PRKCA: variants seen among roughly 807,000 people sequenced by gnomAD.
PRKCA encodes protein kinase C alpha type.
PRKCA carries 27 observed loss-of-function variants against 87.0 expected under a neutral mutation model. That is an observed-to-expected ratio of 0.31 (90% CI 0.23 to 0.43). The LOEUF is 0.43. Ranked by LOEUF, PRKCA falls within the 20% of genes least tolerant of loss-of-function variation. PRKCA has a pLI of 1.00. For missense variants in PRKCA, 518 were observed against 852.3 expected (o/e 0.61, Z 4.88); for synonymous variants, 329 against 311.1 (o/e 1.06, Z -0.61).
At chr17:66,530,591 C>T (rs185074390) in intron 3 of PRKCA, among the ~76,000 whole-genome samples, 1 of 152,274 alleles carries the variant, frequency 6.6e-6, no homozygotes, top group East Asian at 1.9e-4. Flanking sequence ...CTGTCCTTTG[C>T]TCCAAAGAAG....
intron 3 of PRKCA, among the ~76,000 whole-genome samples, chr17:66,630,150 T>C (rs529322958): frequency 2.0e-5 from 3 of 152,246 alleles, no homozygotes; most frequent in South Asian, 4.2e-4. Context: ...GTACCCCCAA[T>C]TGAATGGGCA....
At chr17:66,624,551 A>G (rs985728593) in intron 3 of PRKCA, among the ~76,000 whole-genome samples, 15 of 152,198 alleles carry the variant, frequency 9.9e-5, no homozygotes, top group African/African-American at 3.4e-4. Context: ...TTGTAATCCC[A>G]GCACTTTGGG....
chr17:66,593,738 T>A (rs1212162429), intron 3 of PRKCA, among the ~76,000 whole-genome samples: 1 of 152,220 alleles, frequency 6.6e-6, no homozygotes, highest in Admixed American at 6.5e-5. Context: ...CTTGCCAGAC[T>A]CTCCCTATAT....
chr17:66,511,070 G>A (rs993481171), intron 3 of PRKCA, among the ~76,000 whole-genome samples: 6 of 144,472 alleles, frequency 4.2e-5, no homozygotes, highest in South Asian at 2.1e-4. Flanking sequence ...ATTTTTTTTC[G>A]TGTCATAAAA....
intron 3 of PRKCA, among the ~76,000 whole-genome samples, chr17:66,584,642 TC>T (rs977197866): frequency 1.3e-5 from 2 of 152,136 alleles, no homozygotes; most frequent in Non-Finnish European, 2.9e-5. Flanking sequence ...GGAAGATCCT[TC>T]CTGGCCTCTT....
chr17:66,448,053 T>C (rs1253530052), intron 2 of PRKCA, among the ~76,000 whole-genome samples: 1 of 152,216 alleles, frequency 6.6e-6, no homozygotes, highest in African/African-American at 2.4e-5. Flanking sequence ...GTGAATAGAT[T>C]GAATGGAATT....
At chr17:66,422,940 G>A (rs982558525) in intron 2 of PRKCA, among the ~76,000 whole-genome samples, 76 of 151,836 alleles carry the variant, frequency 5.0e-4, no homozygotes, top group African/African-American at 1.7e-3. Context: ...GTGAAACCCC[G>A]TCTCTACTAA....
rs539954419 is a variant in PRKCA at position 66,587,603 on chromosome 17, A to T, written c.289-53752A>T. On this transcript the variant is annotated intron_variant, in intron 3 of 16. Coordinates refer to ENST00000413366, the MANE Select transcript of PRKCA (RefSeq NM_002737.3). ...TAGATAGATAGACAGATAGATAGATAGATTGATTGATTAGATAGATATAGA... is the reference window on the plus strand; with the variant it reads ...TAGATAGATAGACAGATAGATAGATTGATTGATTGATTAGATAGATATAGA... Among the ~76,000 whole-genome samples the T allele has an allele frequency of 3.4e-3, 509 of 151,572 alleles. 1 individual carries two copies. The highest frequency in any genetic ancestry group is 0.012 in the African/African-American group (475 of 41,280).
chr17:66,532,602 G>A lies in PRKCA; in HGVS notation c.288+36319G>A, dbSNP rs148205728. 2.4e-4 allele frequency among the ~76,000 whole-genome samples: 37 copies of A among 151,956 alleles called. No individual in the cohort carries two copies. The East Asian group carries it at 5.4e-3, about 22-fold the overall frequency. On this transcript the variant is annotated intron_variant, in intron 3 of 16. Transcript: ENST00000413366. Reference sequence around the variant, plus strand: ...TTGAACTCCTGACCTCAGGTGATCCGCCCACCTCGGCCTCCCAGAATGCTA... The same window carrying A: ...TTGAACTCCTGACCTCAGGTGATCCACCCACCTCGGCCTCCCAGAATGCTA...
At chr17:66,562,172 A>T (rs540509560) in intron 3 of PRKCA, among the ~76,000 whole-genome samples, 2 of 75,246 alleles carry the variant, frequency 2.7e-5, no homozygotes, top group African/African-American at 1.1e-4. Flanking sequence ...ATAATTAAAT[A>T]TATATAATTA....
chr17:66,321,113 T>A lies in PRKCA; in HGVS notation c.205+14986T>A, dbSNP rs1295175548. 2.0e-5 allele frequency among the ~76,000 whole-genome samples: 3 copies of A among 152,338 alleles called. No individual in the cohort carries two copies. The East Asian group carries it at 5.8e-4, about 29-fold the overall frequency. On this transcript the variant is annotated intron_variant, in intron 2 of 16. Coordinates refer to ENST00000413366, the MANE Select transcript of PRKCA (RefSeq NM_002737.3). Reference sequence around the variant, plus strand: ...TACAAAATAACAATGGACATTTATGTATGCTTTTTTCAATGTTTATTTTCT... The same window carrying A: ...TACAAAATAACAATGGACATTTATGAATGCTTTTTTCAATGTTTATTTTCT...
Position 66,590,541 on chromosome 17 carries a change from C to T in PRKCA, c.289-50814C>T, listed in dbSNP as rs1969768984. Reference sequence around the variant, plus strand: ...CGAGGGCGTCTGATGAATACCAGCTCTCAGAAGATGTTAAAGAGGATGCTG... The same window carrying T: ...CGAGGGCGTCTGATGAATACCAGCTTTCAGAAGATGTTAAAGAGGATGCTG... On this transcript the variant is annotated intron_variant, in intron 3 of 16. Coordinates refer to ENST00000413366, the MANE Select transcript of PRKCA (RefSeq NM_002737.3). 3.3e-5 allele frequency among the ~76,000 whole-genome samples: 5 copies of T among 152,140 alleles called. No individual in the cohort carries two copies. In the South Asian group the frequency reaches 1.0e-3, roughly 32 times the overall value.
At chr17:66,710,584 G>A (rs16960087) in intron 8 of PRKCA, among the ~76,000 whole-genome samples, 26 of 152,072 alleles carry the variant, frequency 1.7e-4, no homozygotes, top group Non-Finnish European at 2.9e-4. Flanking sequence ...AGGATGCACC[G>A]CGTGTTCTGG....
intron 3 of PRKCA, chr17:66,639,274 T>A (rs2143788844): frequency 6.6e-6 from 1 of 152,366 alleles, no homozygotes; most frequent in Non-Finnish European, 1.5e-5. Flanking sequence ...GTAGAGTCTA[T>A]GGCCATACCA....
At chr17:66,604,043 C>T (rs1970135450) in intron 3 of PRKCA, among the ~76,000 whole-genome samples, 1 of 152,184 alleles carries the variant, frequency 6.6e-6, no homozygotes, top group Non-Finnish European at 1.5e-5. Context: ...TGCACCTTCC[C>T]CCGCTTCCCA....
chr17:66,375,949 G>C (rs1271727941), intron 2 of PRKCA, among the ~76,000 whole-genome samples: 1 of 152,128 alleles, frequency 6.6e-6, no homozygotes, highest in Admixed American at 6.5e-5. Context: ...CTGAGGTCAT[G>C]GATAATGAAG....
rs184485733 is a variant in PRKCA at position 66,804,048 on chromosome 17, C to T, written c.*11C>T. 96 of 1,594,572 alleles carry T rather than the reference C, an allele frequency of 6.0e-5. 2 individuals are homozygous for T. The highest frequency in any genetic ancestry group is 5.0e-4 in the Admixed American group (30 of 59,644). ...CAGAGTGCAGTATGAAACTCACCAG[C>T]GAGAACAAACACCTCCCCAGCCCCC... On this transcript the variant is annotated 3_prime_UTR_variant, in exon 17 of 17. Coordinates refer to ENST00000413366, the MANE Select transcript of PRKCA (RefSeq NM_002737.3).
intron 2 of PRKCA, among the ~76,000 whole-genome samples, chr17:66,463,338 A>G (rs1914939099): frequency 6.6e-6 from 1 of 151,872 alleles, no homozygotes; most frequent in Non-Finnish European, 1.5e-5. Context: ...GCAGCTACCC[A>G]GGAATTTGAT....
intron 3 of PRKCA, among the ~76,000 whole-genome samples, chr17:66,535,620 G>A (rs1034817454): frequency 1.3e-5 from 2 of 152,160 alleles, no homozygotes; most frequent in Admixed American, 6.5e-5. Flanking sequence ...TTCTGCAGAC[G>A]ACCAGAGCCT....
Sources: gnomAD v4.1 joint callset for allele counts (sites outside exome capture counted in the v4.1 genomes callset) on GRCh38, gnomAD v4.1.1 for gene constraint, MANE v1.5 for transcripts, NCBI Gene and HGNC (gene_info 2026-07-23, HGNC 2026-07-21) for gene names.